Variants in CDHR2 observed in about 807,000 individuals in gnomAD.
The protein encoded by CDHR2 is cadherin related family member 2, also known as cadherin-related family member 2.
A neutral mutation model predicts 138.6 loss-of-function variants in CDHR2; 104 were observed. The observed-to-expected ratio is 0.75, with a 90% CI of 0.64 to 0.88. The LOEUF (loss-of-function observed/expected upper bound fraction) is 0.88. Ranked by LOEUF, CDHR2 falls within the 40% of genes least tolerant of loss-of-function variation. The probability of loss-of-function intolerance (pLI) is 0.00; values close to 1 mark genes in which losing one functional copy is unlikely to be tolerated. For missense variants in CDHR2, 1,624 were observed against 1,727.6 expected, an observed-to-expected ratio of 0.94 and a Z score of 1.06; for synonymous variants, 755 against 742.8, an observed-to-expected ratio of 1.02 and a Z score of -0.27.
At chr5:176,571,089 A>T (rs948631052) in intron 5 of CDHR2, 124 bp from the exon 6 acceptor site, 1 of 403,094 alleles carries the variant, frequency 2.5e-6, no homozygotes, top group Non-Finnish European at 4.8e-6. Flanking sequence ...ACATATGGAG[A>T]GAAAGAGAGA....
chr5:176,549,796 C>G (rs147230775), intron 1 of CDHR2, among the ~76,000 whole-genome samples: 1 of 152,162 alleles, frequency 6.6e-6, no homozygotes, highest in African/African-American at 2.4e-5. Flanking sequence ...CCCAGCTGCT[C>G]GGTTCACATC....
intron 7 of CDHR2, 22 bp downstream of exon 7, chr5:176,574,194 A>ACCGC (rs1758303175): frequency 6.4e-7 from 1 of 1,572,368 alleles, no homozygotes; most frequent in East Asian, 2.2e-5. Flanking sequence ...GGGGGCCCTG[A>ACCGC]CCGCCTTTGT....
intron 3 of CDHR2, chr5:176,566,848 T>C (rs1438024931): frequency 1.4e-5 from 6 of 433,360 alleles, no homozygotes; most frequent in Non-Finnish European, 2.8e-5. Flanking sequence ...GCCTTCATTC[T>C]GGTTGGCCGT....
At chr5:176,561,941 T>C (rs1757976709) in intron 1 of CDHR2, among the ~76,000 whole-genome samples, 1 of 152,050 alleles carries the variant, frequency 6.6e-6, no homozygotes, top group South Asian at 2.1e-4. Flanking sequence ...CACCCAGCCT[T>C]GGAGCTGGCT....
chr5:176,556,018 T>C (rs1185521232), intron 1 of CDHR2, among the ~76,000 whole-genome samples: 1 of 152,196 alleles, frequency 6.6e-6, no homozygotes, highest in Non-Finnish European at 1.5e-5. Flanking sequence ...CCTGCCAGAT[T>C]TCTCAACCTG....
At chr5:176,588,457 G>A (rs998242092) in intron 21 of CDHR2, among the ~76,000 whole-genome samples, 2 of 137,498 alleles carry the variant, frequency 1.5e-5, no homozygotes, top group Non-Finnish European at 3.2e-5. Context: ...GTGTGAGAGG[G>A]TGTGTGAGTG....
At chr5:176,573,915 C>T (rs185777697) in intron 6 of CDHR2, among the ~76,000 whole-genome samples, 168 bp from the exon 7 acceptor site, 48 of 152,148 alleles carry the variant, frequency 3.2e-4, no homozygotes, top group Non-Finnish European at 3.2e-4. Context: ...TCCTCTCTGC[C>T]GCCCCGCACC....
upstream of CDHR2, among the ~76,000 whole-genome samples, chr5:176,546,713 G>C (rs1332595136): frequency 7.1e-6 from 1 of 141,152 alleles, no homozygotes; most frequent in African/African-American, 2.7e-5. Context: ...CTGAGGTCAG[G>C]AGTTTGAAAC....
intron 17 of CDHR2, among the ~76,000 whole-genome samples, chr5:176,583,572 A>C (rs539869246): frequency 1.1e-4 from 17 of 151,066 alleles, no homozygotes; most frequent in African/African-American, 4.0e-4. Flanking sequence ...CCAGGCTGTG[A>C]CAATAGTTGC....
chr5:176,567,399 G>C (rs1465169797), intron 3 of CDHR2, among the ~76,000 whole-genome samples: 1 of 152,038 alleles, frequency 6.6e-6, no homozygotes, highest in Non-Finnish European at 1.5e-5. Context: ...CAAACTCCTG[G>C]GCTCAAGCAG....
intron 16 of CDHR2, among the ~76,000 whole-genome samples, 158 bp downstream of exon 16, chr5:176,578,766 G>T (rs1758464264): frequency 6.6e-6 from 1 of 152,172 alleles, no homozygotes; most frequent in Non-Finnish European, 1.5e-5. Flanking sequence ...GAAAATTATA[G>T]CCTTACTCTC....
chr5:176,549,754 T>C (rs777563754), intron 1 of CDHR2, among the ~76,000 whole-genome samples: 2 of 152,140 alleles, frequency 1.3e-5, no homozygotes, highest in South Asian at 4.2e-4. Flanking sequence ...TGCTCAGGGG[T>C]TGAGGACGGG....
Position 176,556,232 on chromosome 5 carries a change from G to A in CDHR2, c.-16+6818G>A, listed in dbSNP as rs948837539. Among the ~76,000 whole-genome samples the A allele has an allele frequency of 6.6e-5, 10 of 152,198 alleles. No homozygotes were observed. The East Asian group carries it at 1.3e-3, about 21-fold the overall frequency. ...TAAAAATATCAAATAGGCCAGTCAC[G>A]GTGGCTCACACCTGTAATCTCATCA... On this transcript the variant is annotated intron_variant, in intron 1 of 31. Transcript: ENST00000261944.
chr5:176,548,626 C>T (rs966219323), upstream of CDHR2, among the ~76,000 whole-genome samples: 2 of 152,082 alleles, frequency 1.3e-5, no homozygotes, highest in African/African-American at 4.8e-5. Context: ...GCCTGTAATC[C>T]CAGTTACTCG....
chr5:176,591,169 G>C, intron 28 of CDHR2, 41 bp from the exon 29 acceptor site: 1 of 1,370,692 alleles, frequency 7.3e-7, no homozygotes, highest in Non-Finnish European at 1.0e-6. Context: ...GACACAACAG[G>C]TGTGCAGCAA....
intron 3 of CDHR2, 129 bp from the exon 4 acceptor site, chr5:176,568,549 G>A (rs1758133335): frequency 3.2e-6 from 3 of 952,116 alleles, no homozygotes; most frequent in Admixed American, 5.5e-5. Flanking sequence ...TGGTTGGGGA[G>A]GTCCCAGATG....
At position 176,557,014 on chromosome 5, in the gene CDHR2, CTCT is replaced by C. The variant is rs1164170882; in HGVS notation, c.-16+7602_-16+7604del. Among the ~76,000 whole-genome samples the C allele has an allele frequency of 7.4e-4, 62 of 84,166 alleles. 1 individual carries two copies. The highest frequency in any genetic ancestry group is 2.2e-3 in the South Asian group (5 of 2,286). 55.2% of individuals were successfully genotyped at this position (84,166 alleles called of 152,430 possible). A position where few individuals can be genotyped will look rare whatever the true frequency, so the allele number is the denominator to read the frequency against. ...TCCTTCCTTCTTTCTCTCTCTCTCTCTCTTTTTTTTTTTTTTTAGCAGTGGATT... is the reference window on the plus strand; with the variant it reads ...TCCTTCCTTCTTTCTCTCTCTCTCTCTTTTTTTTTTTTTTAGCAGTGGATT... On this transcript the variant is annotated intron_variant, in intron 1 of 31. Transcript: ENST00000261944.
At chr5:176,586,058 CT>C (rs765780660) in intron 20 of CDHR2, 33 bp downstream of exon 20, 111 of 1,585,988 alleles carry the variant, frequency 7.0e-5, no homozygotes, top group Non-Finnish European at 9.4e-5. Context: ...CACCATACCC[CT>C]GCTCCATAAG....
chr5:176,577,941 G>A (rs1204104582), intron 14 of CDHR2, 93 bp from the exon 15 acceptor site: 13 of 1,505,430 alleles, frequency 8.6e-6, no homozygotes, highest in Non-Finnish European at 1.1e-5. Context: ...CCCTTTGTGT[G>A]AGGAAGCACG....
Sources: gnomAD v4.1 joint callset for allele counts (sites outside exome capture counted in the v4.1 genomes callset) on GRCh38, gnomAD v4.1.1 for gene constraint, MANE v1.5 for transcripts, NCBI Gene and HGNC (gene_info 2026-07-23, HGNC 2026-07-21) for gene names.